The following RAPGEF6 variants were observed in gnomAD, a reference collection of about 807,000 sequenced individuals.
The protein encoded by RAPGEF6 is Rap guanine nucleotide exchange factor 6.
RAPGEF6 carries 56 observed loss-of-function variants against 171.4 expected under a neutral mutation model. The ratio of observed to expected loss-of-function variants is 0.33; its 90% confidence interval spans 0.26 to 0.41. The LOEUF is 0.41. Among genes scored for constraint, RAPGEF6 ranks in the 10% least tolerant of loss-of-function variants. RAPGEF6 has a pLI of 1.00. For synonymous variants in RAPGEF6, 692 were observed against 650.1 expected (o/e 1.06, Z -0.98); for missense variants, 1,674 against 1,921.4 (o/e 0.87, Z 2.41).
At chr5:131,550,732 G>A (rs1218624077) in intron 5 of RAPGEF6, among the ~76,000 whole-genome samples, 1 of 152,126 alleles carries the variant, frequency 6.6e-6, no homozygotes, top group Non-Finnish European at 1.5e-5. Flanking sequence ...GGCTTATTGT[G>A]TATACACACC....
At chr5:131,432,174 C>A (rs533928361) in intron 25 of RAPGEF6, among the ~76,000 whole-genome samples, 1 of 152,140 alleles carries the variant, frequency 6.6e-6, no homozygotes, top group Admixed American at 6.5e-5. Context: ...GAATTTGTGA[C>A]AGAGACTATA....
chr5:131,628,493 A>G (rs1011308511), intron 1 of RAPGEF6, among the ~76,000 whole-genome samples: 3 of 152,146 alleles, frequency 2.0e-5, no homozygotes, highest in Non-Finnish European at 1.5e-5. Context: ...GAAGTTTACG[A>G]AAAAAAGCCA....
intron 5 of RAPGEF6, among the ~76,000 whole-genome samples, chr5:131,555,602 A>G (rs1394399502): frequency 5.3e-5 from 8 of 151,990 alleles, no homozygotes; most frequent in Non-Finnish European, 1.5e-5. Context: ...AATTAAATGT[A>G]TCATACAGAA....
At chr5:131,482,023 T>C (rs1195583042) in intron 15 of RAPGEF6, among the ~76,000 whole-genome samples, 1 of 152,158 alleles carries the variant, frequency 6.6e-6, no homozygotes, top group Non-Finnish European at 1.5e-5. Context: ...GATAAAGCCT[T>C]AAGAATGGAT....
intron 4 of RAPGEF6, among the ~76,000 whole-genome samples, chr5:131,573,019 G>A (rs994665310): frequency 6.6e-6 from 1 of 152,012 alleles, no homozygotes; most frequent in African/African-American, 2.4e-5. Flanking sequence ...TGCTCCCAGT[G>A]CGACTCATCC....
At chr5:131,561,882 T>C (rs1374161677) in intron 5 of RAPGEF6, 96 bp downstream of exon 5, 2 of 882,620 alleles carry the variant, frequency 2.3e-6, no homozygotes, top group Non-Finnish European at 3.6e-6. Context: ...TAAAAGGTCA[T>C]AGTAATAAAA....
In RAPGEF6 at chr5:131,511,920, T is replaced by C. The variant is rs141232429; in HGVS notation, c.628-1429A>G. Among the ~76,000 whole-genome samples, 58 of 152,334 alleles carry C rather than the reference T, an allele frequency of 3.8e-4. 1 individual carries two copies. The highest frequency in any genetic ancestry group is 1.4e-3 in the African/African-American group (57 of 41,570). On this transcript the variant is annotated intron_variant, in intron 7 of 27. Coordinates refer to ENST00000509018, the MANE Select transcript of RAPGEF6 (RefSeq NM_016340.6). ...GTTAGAAAGAGCTTTTCTCTAGATT[T>C]CTGTACACAATTAGATCTGGAAGCA...
At chr5:131,533,169 T>TACACATACACAC (rs369175532) in intron 6 of RAPGEF6, 1 of 136,860 alleles carries the variant, frequency 7.3e-6, no homozygotes, top group Non-Finnish European at 1.6e-5. Flanking sequence ...ATTGAAAACA[T>TACACATACACAC]ACACACACAC....
intron 21 of RAPGEF6, among the ~76,000 whole-genome samples, chr5:131,449,387 C>A (rs907583386): frequency 2.6e-5 from 4 of 152,168 alleles, no homozygotes; most frequent in African/African-American, 9.7e-5. Context: ...ATTAGTGGGT[C>A]TGAGGAAATA....
intron 6 of RAPGEF6, among the ~76,000 whole-genome samples, chr5:131,528,319 A>T (rs1561538287): frequency 6.0e-5 from 3 of 49,776 alleles, no homozygotes; most frequent in Non-Finnish European, 9.5e-5. Flanking sequence ...TATATTATAT[A>T]TATATATATA....
intron 4 of RAPGEF6, among the ~76,000 whole-genome samples, chr5:131,581,268 CA>C (rs1364609080): frequency 6.6e-6 from 1 of 152,148 alleles, no homozygotes; most frequent in Non-Finnish European, 1.5e-5. Context: ...TATATAACAT[CA>C]AAAAACTCAA....
chr5:131,612,137 C>T (rs942549034), intron 1 of RAPGEF6, among the ~76,000 whole-genome samples: 3 of 151,122 alleles, frequency 2.0e-5, no homozygotes, highest in Non-Finnish European at 4.4e-5. Flanking sequence ...AGGACTGAAG[C>T]AATCCTCCCA....
At position 131,462,739 on chromosome 5, in the gene RAPGEF6, C is replaced by T. The variant is rs377503023; in HGVS notation, c.2481-651G>A. Among the ~76,000 whole-genome samples the T allele has an allele frequency of 8.5e-5, 13 of 152,314 alleles. No homozygotes were observed. The East Asian group carries it at 1.2e-3, about 14-fold the overall frequency. ...GCACTTAAAAGTAAGAGACAGGAAA[C>T]ATCTTGTGCAGGGATGTTACTAAGG... On this transcript the variant is annotated intron_variant, in intron 18 of 27. Coordinates refer to ENST00000509018, the MANE Select transcript of RAPGEF6 (RefSeq NM_016340.6).
intron 8 of RAPGEF6, among the ~76,000 whole-genome samples, chr5:131,509,917 C>G (rs1757612274): frequency 6.6e-6 from 1 of 152,174 alleles, no homozygotes; most frequent in African/African-American, 2.4e-5. Context: ...TGGCATTTGC[C>G]TTATTCTCCT....
chr5:131,446,304 G>C (rs1041602318), intron 22 of RAPGEF6, among the ~76,000 whole-genome samples, 179 bp downstream of exon 22: 8 of 152,208 alleles, frequency 5.3e-5, no homozygotes, highest in African/African-American at 1.9e-4. Context: ...GGATAGTGTA[G>C]CCATCAGGAA....
chr5:131,477,271 A>G (rs1435403226), intron 16 of RAPGEF6, among the ~76,000 whole-genome samples: 1 of 151,998 alleles, frequency 6.6e-6, no homozygotes, highest in Non-Finnish European at 1.5e-5. Context: ...AAGATAAACT[A>G]TTTTTTCTGT....
intron 5 of RAPGEF6, among the ~76,000 whole-genome samples, chr5:131,551,191 T>C (rs890326646): frequency 4.6e-5 from 7 of 152,202 alleles, no homozygotes; most frequent in African/African-American, 1.7e-4. Context: ...ACTTTTCCTA[T>C]TGTAATAGAT....
intron 5 of RAPGEF6, among the ~76,000 whole-genome samples, chr5:131,559,065 C>T (rs1282032685): frequency 6.6e-6 from 1 of 152,134 alleles, no homozygotes; most frequent in Non-Finnish European, 1.5e-5. Flanking sequence ...AAGCGGCTCA[C>T]ACCTGTTAAT....
At chr5:131,470,772 G>A (rs1754685216) in intron 17 of RAPGEF6, among the ~76,000 whole-genome samples, 1 of 152,182 alleles carries the variant, frequency 6.6e-6, no homozygotes, top group Admixed American at 6.5e-5. Flanking sequence ...CCCAGATGAG[G>A]TAACACTGGA....
Sources: gnomAD v4.1 joint callset for allele counts (sites outside exome capture counted in the v4.1 genomes callset) on GRCh38, gnomAD v4.1.1 for gene constraint, MANE v1.5 for transcripts, NCBI Gene and HGNC (gene_info 2026-07-23, HGNC 2026-07-21) for gene names.